Variants in ECM2 observed in about 807,000 individuals in gnomAD.
The protein encoded by ECM2 is extracellular matrix protein 2, female organ and adipocyte specific.
In ECM2, 57 loss-of-function variants were observed where a neutral mutation model predicts 67.5. The observed-to-expected ratio is 0.84, with a 90% CI of 0.68 to 1.05. The LOEUF (loss-of-function observed/expected upper bound fraction) is 1.05. ECM2 is among the 50% of genes least tolerant of loss of function. The pLI, the probability that ECM2 is intolerant of heterozygous loss-of-function variation, is 0.00. For synonymous variants in ECM2, 258 were observed against 294.5 expected (o/e 0.88, Z 1.27); for missense variants, 741 against 822.8 (o/e 0.90, Z 1.22).
intron 6 of ECM2, 31 bp from the exon 7 acceptor site, chr9:92,505,721 G>C: frequency 6.7e-7 from 1 of 1,503,624 alleles, no homozygotes; most frequent in African/African-American, 1.4e-5. Context: ...AGAATATTAG[G>C]ATAATTGAAA....
intron 9 of ECM2, among the ~76,000 whole-genome samples, chr9:92,498,933 A>G (rs1210053418): frequency 6.6e-6 from 1 of 152,192 alleles, no homozygotes; most frequent in Non-Finnish European, 1.5e-5. Context: ...CAAAATACGG[A>G]ATTTCCTGGC....
chr9:92,509,049 A>G (rs182767108), intron 6 of ECM2, among the ~76,000 whole-genome samples: 6 of 151,960 alleles, frequency 3.9e-5, no homozygotes, highest in African/African-American at 1.4e-4. Flanking sequence ...CCTCTTCTAT[A>G]CAGAGTCACA....
Position 92,496,295 on chromosome 9 carries a change from C to A in ECM2, c.*20G>T. ...CAAATACATGAGTAAAGTTTATAAA[C>A]AGCAAAGGAAAACTTGGAATTACTT... On this transcript the variant is annotated 3_prime_UTR_variant, in exon 10 of 10. Coordinates refer to ENST00000344604, the MANE Select transcript of ECM2 (RefSeq NM_001393.4). The A allele has an allele frequency of 1.3e-6, 2 of 1,561,722 alleles. No individual in the cohort carries two copies. The highest frequency in any genetic ancestry group is 1.2e-5 in the South Asian group (1 of 80,324).
chr9:92,533,303 C>CAAAAAAAAA (rs1174584000), intron 1 of ECM2, among the ~76,000 whole-genome samples: 5 of 29,884 alleles, frequency 1.7e-4, no homozygotes, highest in African/African-American at 2.7e-4. Flanking sequence ...CGGTCTCAAA[C>CAAAAAAAAA]AAAAAAAAAA....
At chr9:92,543,807 A>G in the ECM2 span, among the ~76,000 whole-genome samples, 1 of 152,098 alleles carries the variant, frequency 6.6e-6, no homozygotes, top group African/African-American at 2.4e-5. Flanking sequence ...TTACGTATCT[A>G]TTGTAAATTT....
At chr9:92,522,924 G>T (rs113848116) in intron 1 of ECM2, 31 bp from the exon 2 acceptor site, 75,506 of 1,515,854 alleles carry the variant, frequency 0.05, 2,212 homozygotes, top group South Asian at 0.083. Flanking sequence ...AAAGTTAGTG[G>T]TGACTAAATT....
the ECM2 span, among the ~76,000 whole-genome samples, chr9:92,546,176 C>A: frequency 1.3e-5 from 2 of 152,168 alleles, no homozygotes; most frequent in Non-Finnish European, 2.9e-5. Context: ...CGATTGTAAA[C>A]GCACCAGTCA....
intron 2 of ECM2, 41 bp downstream of exon 2, chr9:92,522,534 C>T: frequency 6.6e-7 from 1 of 1,512,798 alleles, no homozygotes; most frequent in Non-Finnish European, 8.9e-7. Context: ...ATCTCTCACC[C>T]TCCTCCCTCT....
At chr9:92,555,993 G>A in the ECM2 span, among the ~76,000 whole-genome samples, 1 of 152,028 alleles carries the variant, frequency 6.6e-6, no homozygotes, top group Non-Finnish European at 1.5e-5. Flanking sequence ...TAGATTGTCT[G>A]TGCTCTTTCA....
chr9:92,500,672 T>C, intron 9 of ECM2, 55 bp downstream of exon 9: 1 of 1,502,560 alleles, frequency 6.7e-7, no homozygotes, highest in Non-Finnish European at 9.1e-7. Context: ...GGTTGTTTTA[T>C]CATATATTTT....
At chr9:92,534,168 GTGTC>G (rs747176214) in intron 1 of ECM2, among the ~76,000 whole-genome samples, 22 of 152,094 alleles carry the variant, frequency 1.4e-4, no homozygotes, top group Non-Finnish European at 2.1e-4. Flanking sequence ...ACTCCTCAGA[GTGTC>G]TGTCCCACCA....
intron 1 of ECM2, among the ~76,000 whole-genome samples, chr9:92,527,271 A>G (rs1848471256): frequency 6.6e-6 from 1 of 152,180 alleles, no homozygotes; most frequent in African/African-American, 2.4e-5. Context: ...TCAGCCTCAC[A>G]AAGTGCTAGG....
intron 2 of ECM2, among the ~76,000 whole-genome samples, chr9:92,519,468 A>G (rs1847929187): frequency 6.6e-6 from 1 of 152,254 alleles, no homozygotes; most frequent in Non-Finnish European, 1.5e-5. Flanking sequence ...TAGTATAAGC[A>G]TAGACGTATA....
At chr9:92,502,729 G>T in intron 7 of ECM2, 77 bp from the exon 8 acceptor site, 1 of 1,172,274 alleles carries the variant, frequency 8.5e-7, no homozygotes, top group Non-Finnish European at 1.2e-6. Flanking sequence ...CTAAAATAGT[G>T]ACATAGACTA....
chr9:92,539,128 C>T (rs1849255563), upstream of ECM2: 1 of 152,150 alleles, frequency 6.6e-6, no homozygotes, highest in African/African-American at 2.4e-5. Flanking sequence ...ATATTAGGTA[C>T]AATGTTCCGG....
At chr9:92,508,709 A>G (rs1019743345) in intron 6 of ECM2, among the ~76,000 whole-genome samples, 6 of 152,196 alleles carry the variant, frequency 3.9e-5, no homozygotes, top group African/African-American at 9.6e-5. Context: ...GAGTATTTCC[A>G]TAACTAATCC....
At chr9:92,532,997 G>A (rs912099547) in intron 1 of ECM2, among the ~76,000 whole-genome samples, 3 of 151,948 alleles carry the variant, frequency 2.0e-5, no homozygotes, top group South Asian at 2.1e-4. Context: ...TCACCATATT[G>A]AATTAATAAT....
chr9:92,538,944 G>T (rs905942693), upstream of ECM2: 6 of 151,846 alleles, frequency 4.0e-5, no homozygotes, highest in Non-Finnish European at 7.4e-5. Context: ...ATAAATTGGG[G>T]TTTTTTTTAA....
intron 3 of ECM2, among the ~76,000 whole-genome samples, chr9:92,515,767 G>A (rs983428631): frequency 6.6e-6 from 1 of 152,142 alleles, no homozygotes; most frequent in African/African-American, 2.4e-5. Flanking sequence ...GAATTATAGA[G>A]AGAGAGTTTT....
Sources: gnomAD v4.1 joint callset for allele counts (sites outside exome capture counted in the v4.1 genomes callset) on GRCh38, gnomAD v4.1.1 for gene constraint, MANE v1.5 for transcripts, NCBI Gene and HGNC (gene_info 2026-07-23, HGNC 2026-07-21) for gene names.